PEPD: variants seen among roughly 807,000 people sequenced by gnomAD.
PEPD encodes the protein xaa-Pro dipeptidase.
Under a neutral mutation model 60.7 loss-of-function variants are expected in PEPD, and 53 were observed. The ratio of observed to expected loss-of-function variants is 0.87; its 90% CI spans 0.70 to 1.10. The LOEUF (loss-of-function observed/expected upper bound fraction) is 1.10, where lower values mean the gene tolerates loss of function less well. PEPD is among the 50% of genes least tolerant of loss of function. The pLI, the probability that PEPD is intolerant of heterozygous loss-of-function variation, is 0.00. For missense variants in PEPD, 711 were observed against 711.9 expected, an observed-to-expected ratio of 1.00 and a Z score of 0.01; for synonymous variants, 267 against 284.1, an observed-to-expected ratio of 0.94 and a Z score of 0.60.
At chr19:33,388,261 C>A in intron 13 of PEPD, 180 bp from the exon 14 acceptor site, 1 of 703,126 alleles carries the variant, frequency 1.4e-6, no homozygotes, top group South Asian at 1.5e-5. Context: ...AGACCTTCCA[C>A]CCTGCACATA....
intron 12 of PEPD, among the ~76,000 whole-genome samples, chr19:33,394,100 G>A (rs1415340210): frequency 6.6e-6 from 1 of 152,224 alleles, no homozygotes; most frequent in African/African-American, 2.4e-5. Context: ...GCTGGGCCTG[G>A]CATAAAGTGA....
chr19:33,400,838 G>A (rs937272255), intron 12 of PEPD, among the ~76,000 whole-genome samples: 1 of 152,184 alleles, frequency 6.6e-6, no homozygotes, highest in Non-Finnish European at 1.5e-5. Context: ...GCTGGGGTTC[G>A]ATCCTGTGGG....
chr19:33,429,823 AG>A (rs1472293127), intron 9 of PEPD, among the ~76,000 whole-genome samples: 1 of 152,272 alleles, frequency 6.6e-6, no homozygotes. Flanking sequence ...AAATGGGCAA[AG>A]GACTGAAAAC....
intron 9 of PEPD, among the ~76,000 whole-genome samples, chr19:33,450,060 C>T (rs1465920368): frequency 6.6e-6 from 1 of 152,202 alleles, no homozygotes; most frequent in Admixed American, 6.5e-5. Context: ...GCCTCTGTCT[C>T]CGCAGATCTG....
At chr19:33,500,401 T>G (rs765646997) in intron 4 of PEPD, among the ~76,000 whole-genome samples, 1 of 152,158 alleles carries the variant, frequency 6.6e-6, no homozygotes, top group Non-Finnish European at 1.5e-5. Flanking sequence ...CTGAACTTGG[T>G]TGGCACAGAT....
At chr19:33,423,695 AG>A (rs1488743245) in intron 9 of PEPD, among the ~76,000 whole-genome samples, 1 of 152,236 alleles carries the variant, frequency 6.6e-6, no homozygotes, top group Non-Finnish European at 1.5e-5. Flanking sequence ...TTGATCCTTA[AG>A]GGATTTATAC....
chr19:33,455,678 A>ATTTT (rs34754945), intron 9 of PEPD, among the ~76,000 whole-genome samples: 1 of 134,618 alleles, frequency 7.4e-6, no homozygotes, highest in Non-Finnish European at 1.6e-5. Flanking sequence ...AATTAAAAAC[A>ATTTT]TTTTTTTTTT....
chr19:33,520,544 T>C (rs543604710), intron 1 of PEPD, among the ~76,000 whole-genome samples: 1 of 152,324 alleles, frequency 6.6e-6, no homozygotes, highest in Non-Finnish European at 1.5e-5. Flanking sequence ...TCTGTTCCAG[T>C]GGCCTGTGAG....
At chr19:33,409,243 G>T (rs1299087557) in intron 11 of PEPD, among the ~76,000 whole-genome samples, 1 of 152,264 alleles carries the variant, frequency 6.6e-6, no homozygotes, top group Non-Finnish European at 1.5e-5. Flanking sequence ...TCTGGCACAG[G>T]GCTCTCCAGC....
intron 7 of PEPD, among the ~76,000 whole-genome samples, chr19:33,467,689 G>A (rs1421587956): frequency 2.6e-5 from 4 of 152,176 alleles, no homozygotes; most frequent in Non-Finnish European, 4.4e-5. Flanking sequence ...CAAAGAATTC[G>A]CTTTGGGGAG....
intron 9 of PEPD, among the ~76,000 whole-genome samples, chr19:33,446,572 G>A (rs1969598432): frequency 6.6e-6 from 1 of 152,200 alleles, no homozygotes; most frequent in South Asian, 2.1e-4. Flanking sequence ...CAGGGTGGCC[G>A]AGAGCCCCAC....
intron 4 of PEPD, among the ~76,000 whole-genome samples, chr19:33,497,418 G>A (rs375218855): frequency 6.6e-6 from 1 of 152,166 alleles, no homozygotes; most frequent in Non-Finnish European, 1.5e-5. Context: ...GCAGAGCCTC[G>A]GGGCCCCACT....
chr19:33,388,995 AG>A (rs1314042402), intron 13 of PEPD: 3 of 152,396 alleles, frequency 2.0e-5, no homozygotes, highest in Non-Finnish European at 4.4e-5. Flanking sequence ...CTTTCTGGTC[AG>A]GGGATGAGCC....
chr19:33,432,214 C>T (rs1969289539), intron 9 of PEPD, among the ~76,000 whole-genome samples: 1 of 152,150 alleles, frequency 6.6e-6, no homozygotes, highest in South Asian at 2.1e-4. Context: ...CCTGGAGAAT[C>T]CAAGCCCCTA....
At chr19:33,452,791 C>A (rs1446294777) in intron 9 of PEPD, among the ~76,000 whole-genome samples, 1 of 152,038 alleles carries the variant, frequency 6.6e-6, no homozygotes, top group Non-Finnish European at 1.5e-5. Flanking sequence ...GAAAAGTTAC[C>A]AAAGAAATCT....
intron 12 of PEPD, among the ~76,000 whole-genome samples, chr19:33,400,616 G>A (rs1304757670): frequency 6.6e-6 from 1 of 152,244 alleles, no homozygotes; most frequent in Non-Finnish European, 1.5e-5. Context: ...GCCAGGCCTA[G>A]GGGTTGGCCA....
intron 9 of PEPD, among the ~76,000 whole-genome samples, chr19:33,418,371 C>T (rs988060114): frequency 2.0e-5 from 3 of 152,214 alleles, no homozygotes; most frequent in Admixed American, 6.5e-5. Context: ...CCGAGCAGAG[C>T]GTGCCTTATG....
At chr19:33,515,025 G>A (rs527629269) in intron 1 of PEPD, among the ~76,000 whole-genome samples, 9 of 152,166 alleles carry the variant, frequency 5.9e-5, no homozygotes, top group Non-Finnish European at 1.2e-4. Flanking sequence ...TAAACGCAGC[G>A]GGTGCTGCCT....
At chr19:33,396,872 C>T (rs1968378988) in intron 12 of PEPD, among the ~76,000 whole-genome samples, 1 of 152,154 alleles carries the variant, frequency 6.6e-6, no homozygotes. Context: ...AGCTGTGCTG[C>T]TTCTAGGAAC....
Sources: allele counts gnomAD v4.1 joint callset (sites outside exome capture counted in the v4.1 genomes callset), GRCh38; gene constraint gnomAD v4.1.1; transcripts MANE v1.5; gene names NCBI Gene and HGNC (gene_info 2026-07-23, HGNC 2026-07-21).